The following KIAA1755 variants were observed in gnomAD, a reference collection of about 807,000 sequenced individuals.
KIAA1755 encodes the protein KIAA1755.
In KIAA1755, 68 loss-of-function variants were observed where a neutral mutation model predicts 91.7. The ratio of observed to expected loss-of-function variants is 0.74; its 90% CI spans 0.61 to 0.91. The LOEUF is 0.91. KIAA1755 is among the 40% of genes least tolerant of loss of function. KIAA1755 has a pLI of 0.00. For missense variants in KIAA1755, 1,535 were observed against 1,494.4 expected (o/e 1.03, Z -0.45); for synonymous variants, 610 against 604.6 (o/e 1.01, Z -0.13).
chr20:38,260,251 T>C, intron 1 of KIAA1755: 1 of 1,539,568 alleles, frequency 6.5e-7, no homozygotes, highest in Middle Eastern at 1.7e-4. Context: ...ATATTAAAGT[T>C]TACAAGTACA....
chr20:38,218,387 T>G, intron 11 of KIAA1755, 21 bp from the exon 12 acceptor site: 1 of 1,613,686 alleles, frequency 6.2e-7, no homozygotes, highest in Admixed American at 1.7e-5. Flanking sequence ...AGAGGCAGAT[T>G]TGGACATGAG....
At position 38,212,849 on chromosome 20, in the gene KIAA1755, A is replaced by G. The variant is rs1053932; in HGVS notation, c.*193T>C. On this transcript the variant is annotated 3_prime_UTR_variant, in exon 14 of 14. Transcript: ENST00000279024. ...CACTCTTGCTATTCTGCATGGGTGA[A>G]GATCGGGTCTTCCAGGAGTTTTCTG... 232,817 of 528,122 alleles carry G rather than the reference A, an allele frequency of 0.44. 52,830 individuals are homozygous for G. The highest frequency in any genetic ancestry group is 0.49 in the Middle Eastern group (1,005 of 2,036). The allele number at this position is 528,122 out of a possible 1,614,324, so 32.7% of individuals were successfully genotyped here.
At chr20:38,260,211 A>G in intron 1 of KIAA1755, 1 of 1,462,572 alleles carries the variant, frequency 6.8e-7, no homozygotes, top group Non-Finnish European at 9.1e-7. Context: ...CTCAGGGCTG[A>G]GATTCAGGCT....
chr20:38,223,603 C>G lies in KIAA1755; in HGVS notation c.2203G>C (p.Ala735Pro), dbSNP rs761457263. 4 of 1,605,026 alleles carry G rather than the reference C, an allele frequency of 2.5e-6. No individual in the cohort carries two copies. The highest frequency in any genetic ancestry group is 3.4e-6 in the Non-Finnish European group (4 of 1,176,282). Residue 735 changes from alanine to proline, a missense_variant, in exon 9 of 14, where the codon GCC becomes CCC. Physicochemically the swap from Ala to Pro is conservative, Grantham distance 27. Coordinates refer to ENST00000279024, the MANE Select transcript of KIAA1755 (RefSeq NM_001029864.2). ...LDPFLADLHQ[A>P]SSLLQASIEE... Reference sequence around the variant, plus strand: ...ATGGAAGCTTGTAGCAGGGAAGAGGCCTGGTGGAGGTCAGCAAGGAAAGGG... The same window carrying G: ...ATGGAAGCTTGTAGCAGGGAAGAGGGCTGGTGGAGGTCAGCAAGGAAAGGG...
chr20:38,217,497 G>A (rs764677590), intron 12 of KIAA1755, 23 bp from the exon 13 acceptor site: 10 of 1,546,356 alleles, frequency 6.5e-6, no homozygotes, highest in South Asian at 2.3e-5. Context: ...AGGAGGGGGC[G>A]CCCACTCAGC....
chr20:38,249,863 T>G (rs929795216), intron 1 of KIAA1755, among the ~76,000 whole-genome samples: 24 of 151,692 alleles, frequency 1.6e-4, no homozygotes, highest in African/African-American at 5.6e-4. Flanking sequence ...CTGGGAGCAG[T>G]CCCTTCCCCT....
chr20:38,248,557 C>T (rs1055514473), intron 1 of KIAA1755, among the ~76,000 whole-genome samples: 10 of 152,148 alleles, frequency 6.6e-5, no homozygotes, highest in Non-Finnish European at 1.2e-4. Context: ...GCTTCTTTTC[C>T]TCTTTGGGGC....
chr20:38,213,797 G>T (rs2075496771), intron 13 of KIAA1755, 54 bp from the exon 14 acceptor site: 1 of 1,297,788 alleles, frequency 7.7e-7, no homozygotes, highest in African/African-American at 1.5e-5. Flanking sequence ...TGGGACCATG[G>T]AGGACTGAAT....
intron 4 of KIAA1755, among the ~76,000 whole-genome samples, chr20:38,235,108 A>G (rs988282311): frequency 7.5e-6 from 1 of 132,872 alleles, no homozygotes; most frequent in Non-Finnish European, 1.7e-5. Flanking sequence ...GCAAGCAATT[A>G]AAAGCATTTT....
chr20:38,246,329 G>A (rs181890580), intron 1 of KIAA1755, among the ~76,000 whole-genome samples: 21 of 152,162 alleles, frequency 1.4e-4, no homozygotes, highest in Admixed American at 3.9e-4. Flanking sequence ...ATCTCACCTC[G>A]GGGCCTTTGC....
Position 38,212,944 on chromosome 20 carries a change from G to GA in KIAA1755, c.*97dup. ...GAATGTAAAACCAGTGCTCCATGGT[G>GA]ACGTCTCACTGGGACTGACCAGAGC... On this transcript the variant is annotated 3_prime_UTR_variant, in exon 14 of 14. Transcript: ENST00000279024. 1 of 868,582 alleles carries GA rather than the reference G, an allele frequency of 1.2e-6. No individual in the cohort carries two copies. The highest frequency in any genetic ancestry group is 1.7e-6 in the Non-Finnish European group (1 of 574,220). The allele number at this position is 868,582 out of a possible 1,614,324, so 53.8% of individuals were successfully genotyped here.
intron 1 of KIAA1755, among the ~76,000 whole-genome samples, chr20:38,254,215 A>T (rs919335323): frequency 1.3e-5 from 2 of 152,180 alleles, no homozygotes. Flanking sequence ...GTCCAGATTT[A>T]TCCATTTACT....
At chr20:38,255,252 G>A (rs534583829) in intron 1 of KIAA1755, among the ~76,000 whole-genome samples, 1 of 152,248 alleles carries the variant, frequency 6.6e-6, no homozygotes. Context: ...ACAGCCACAG[G>A]TATAAATAAG....
chr20:38,247,384 T>C (rs1018974057), intron 1 of KIAA1755, among the ~76,000 whole-genome samples: 3 of 151,088 alleles, frequency 2.0e-5, no homozygotes, highest in Non-Finnish European at 4.4e-5. Flanking sequence ...CCACCGCACA[T>C]GCAGTGGCTT....
At chr20:38,228,308 A>T in intron 5 of KIAA1755, 68 bp from the exon 6 acceptor site, 1 of 1,237,930 alleles carries the variant, frequency 8.1e-7, no homozygotes, top group East Asian at 2.7e-5. Context: ...ACCTAGTGGA[A>T]GGTGAGGGAA....
Position 38,213,388 on chromosome 20 carries a change from G to GA in KIAA1755, c.3256dup (p.Ser1086PhefsTer52). 2 of 1,602,438 alleles carry GA rather than the reference G, an allele frequency of 1.2e-6. No homozygotes were observed. The highest frequency in any genetic ancestry group is 1.7e-6 in the Non-Finnish European group (2 of 1,174,038). On this transcript the variant is annotated frameshift_variant, in exon 14 of 14. Coordinates refer to ENST00000279024, the MANE Select transcript of KIAA1755 (RefSeq NM_001029864.2). LOFTEE classifies it low-confidence loss of function (END_TRUNC). ...TGGAGGCTGATCCCACCTCCCCTTGGAAGTGACCTCTACACTCACACCCTG... is the reference window on the plus strand; with the variant it reads ...TGGAGGCTGATCCCACCTCCCCTTGGAAAGTGACCTCTACACTCACACCCTG...
Position 38,213,440 on chromosome 20 carries a change from C to T in KIAA1755, c.3205G>A (p.Glu1069Lys). The T allele has an allele frequency of 8.7e-6, 14 of 1,601,894 alleles. No individual in the cohort carries two copies. Among genetic ancestry groups the T allele is most frequent in the Non-Finnish European group, 1.2e-5 (14 of 1,174,144 alleles). The part of the protein sequence containing the change: ...EAPAAHSARP[E>K]RRGVAAKGQG... ...CCCTTGGCTGCCACCCCTCTTCGTT[C>T]TGGGCGCGCTGAGTGAGCAGCTGGA... Residue 1069 changes from glutamate to lysine, a missense_variant, in exon 14 of 14, where the codon GAA becomes AAA. Coordinates refer to ENST00000279024, the MANE Select transcript of KIAA1755 (RefSeq NM_001029864.2).
At chr20:38,234,720 G>C (rs1269021434) in intron 4 of KIAA1755, among the ~76,000 whole-genome samples, 1 of 152,194 alleles carries the variant, frequency 6.6e-6, no homozygotes, top group African/African-American at 2.4e-5. Context: ...GTAGTCATAC[G>C]ATTAGTTCAC....
chr20:38,252,007 G>A (rs2076259406), intron 1 of KIAA1755, among the ~76,000 whole-genome samples: 1 of 152,168 alleles, frequency 6.6e-6, no homozygotes, highest in East Asian at 1.9e-4. Context: ...ACTCCAGAGA[G>A]AGGCCCCTTG....
Sources: allele counts gnomAD v4.1 joint callset (sites outside exome capture counted in the v4.1 genomes callset), GRCh38; gene constraint gnomAD v4.1.1; transcripts MANE v1.5; gene names NCBI Gene and HGNC (gene_info 2026-07-23, HGNC 2026-07-21).